Variants in SYNGR1 observed in about 807,000 individuals in gnomAD.
The protein encoded by SYNGR1 is synaptogyrin-1.
SYNGR1 carries 14 observed loss-of-function variants against 26.1 expected under a neutral mutation model. The observed-to-expected ratio is 0.54, with a 90% confidence interval of 0.35 to 0.84. The LOEUF (loss-of-function observed/expected upper bound fraction) is 0.84, where lower values mean the gene tolerates loss of function less well. Among genes scored for constraint, SYNGR1 ranks in the 40% least tolerant of loss-of-function variants. SYNGR1 has a pLI of 0.01. For synonymous variants in SYNGR1, 141 were observed against 150.1 expected (o/e 0.94, Z 0.44); for missense variants, 319 against 332.9 (o/e 0.96, Z 0.33).
chr22:39,382,143 GC>G lies in SYNGR1; in HGVS notation c.*231del. 1.7e-6 allele frequency: 1 copy of G among 602,864 alleles called. No individual in the cohort carries two copies. Among genetic ancestry groups the G allele is most frequent in the Non-Finnish European group, 2.9e-6 (1 of 339,154 alleles). The allele number at this position is 602,864 out of a possible 1,614,324, so 37.3% of individuals were successfully genotyped here. Reference sequence around the variant, plus strand: ...CCCCGCAGGGGCCTAGAGGGTGGGGGCCAGGGGTATTTGCATTCATACATTG... The same window carrying G: ...CCCCGCAGGGGCCTAGAGGGTGGGGGCAGGGGTATTTGCATTCATACATTG... On this transcript the variant is annotated 3_prime_UTR_variant, in exon 4 of 4. Coordinates refer to ENST00000328933, the MANE Select transcript of SYNGR1 (RefSeq NM_004711.5).
chr22:39,381,657 C>G, intron 3 of SYNGR1, 39 bp from the exon 4 acceptor site: 1 of 1,610,158 alleles, frequency 6.2e-7, no homozygotes, highest in Non-Finnish European at 8.5e-7. Flanking sequence ...TAACCACCCC[C>G]TCCCGCCTGT....
intron 3 of SYNGR1, chr22:39,377,830 C>T (rs1766881687): frequency 6.6e-7 from 1 of 1,520,782 alleles, no homozygotes; most frequent in Admixed American, 2.0e-5. Flanking sequence ...AATTCAGGTT[C>T]TCCACTGACT....
intron 1 of SYNGR1, among the ~76,000 whole-genome samples, chr22:39,360,608 C>T (rs1184274937): frequency 6.6e-6 from 1 of 152,182 alleles, no homozygotes. Context: ...GACACCCTCA[C>T]CCCGCTCGTC....
chr22:39,381,690 C>A lies in SYNGR1; in HGVS notation c.484-6C>A. On this transcript the variant is annotated splice_polypyrimidine_tract_variant and splice_region_variant and intron_variant, in intron 3 of 3. Coordinates refer to ENST00000328933, the MANE Select transcript of SYNGR1 (RefSeq NM_004711.5). Reference sequence around the variant, plus strand: ...TGTCCTTGTCCTCGCCGGCCTTTGTCCCCAGGCGGGCCAGGCTGTGCTGGC... The same window carrying A: ...TGTCCTTGTCCTCGCCGGCCTTTGTACCCAGGCGGGCCAGGCTGTGCTGGC... The A allele has an allele frequency of 3.1e-6, 5 of 1,613,330 alleles. No individual in the cohort carries two copies. Among genetic ancestry groups the A allele is most frequent in the Non-Finnish European group, 4.2e-6 (5 of 1,179,984 alleles).
In SYNGR1 at chr22:39,350,197, ACCCC is replaced by A. The variant is rs57288224; in HGVS notation, c.99+89_99+92del. On this transcript the variant is annotated intron_variant, in intron 1 of 3. Coordinates refer to ENST00000328933, the MANE Select transcript of SYNGR1 (RefSeq NM_004711.5). This position sits in a 1 kb window ranked among gnomAD's most constrained non-coding sequence, Gnocchi z 4.3. ...CGCGCCCGGACCGACCCCGACCCCGACCCCAACGGGCCCCCGGCGGCGGCGCGGC... is the reference window on the plus strand; with the variant it reads ...CGCGCCCGGACCGACCCCGACCCCGAAACGGGCCCCCGGCGGCGGCGCGGC... The A allele has an allele frequency of 2.2e-6, 2 of 915,266 alleles. No homozygotes were observed. The highest frequency in any genetic ancestry group is 3.4e-5 in the South Asian group (1 of 29,470). The allele number at this position is 915,266 out of a possible 1,614,324, so 56.7% of individuals were successfully genotyped here.
chr22:39,374,204 C>A, intron 1 of SYNGR1, 112 bp from the exon 2 acceptor site: 2 of 969,608 alleles, frequency 2.1e-6, no homozygotes, highest in Non-Finnish European at 3.2e-6. Flanking sequence ...TAACCCGGGT[C>A]TTGTAGCTCA....
At chr22:39,363,715 G>A (rs1474370853) in intron 1 of SYNGR1, among the ~76,000 whole-genome samples, 1 of 152,120 alleles carries the variant, frequency 6.6e-6, no homozygotes, top group Non-Finnish European at 1.5e-5. Context: ...ACTGCCTGGA[G>A]GAGGCTGGAG....
chr22:39,364,238 G>C (rs1365650290), intron 1 of SYNGR1: 1 of 1,614,096 alleles, frequency 6.2e-7, no homozygotes, highest in Non-Finnish European at 8.5e-7. Flanking sequence ...GATCCTTCAT[G>C]GATAGGCAGC....
At chr22:39,355,783 A>G (rs1237513598) in intron 1 of SYNGR1, among the ~76,000 whole-genome samples, 1 of 152,158 alleles carries the variant, frequency 6.6e-6, no homozygotes, top group Admixed American at 6.5e-5. Flanking sequence ...TTTGGGAGGC[A>G]GAGGCAGGTG....
chr22:39,362,048 A>G (rs1348581188), intron 1 of SYNGR1, among the ~76,000 whole-genome samples: 5 of 141,740 alleles, frequency 3.5e-5, no homozygotes, highest in African/African-American at 8.1e-5. Context: ...AGGCCTCACT[A>G]TGTTCCCCAG....
Position 39,356,131 on chromosome 22 carries a change from A to G in SYNGR1, c.99+6022A>G, listed in dbSNP as rs181192004. Among the ~76,000 whole-genome samples, 80 of 152,298 alleles carry G rather than the reference A, an allele frequency of 5.3e-4. 1 individual carries two copies. In the East Asian group the frequency reaches 9.5e-3, roughly 18 times the overall value. ...ACCCAAGTTGGAATGCAGTGGCACG[A>G]TCTCAGCTCACTGCAGCCTCCACCT... On this transcript the variant is annotated intron_variant, in intron 1 of 3. Transcript: ENST00000328933.
intron 1 of SYNGR1, among the ~76,000 whole-genome samples, chr22:39,372,153 C>T (rs150384495): frequency 0.038 from 4,231 of 111,330 alleles, 251 homozygotes; most frequent in African/African-American, 0.14. Context: ...TTTTTTGAGA[C>T]GGAGTCTCAC....
rs913972509 is a variant in SYNGR1 at position 39,350,456 on chromosome 22, A to T, written c.99+347A>T. Among the ~76,000 whole-genome samples the T allele has an allele frequency of 1.3e-5, 2 of 151,932 alleles. No individual in the cohort carries two copies. The highest frequency in any genetic ancestry group is 3.9e-4 in the East Asian group (2 of 5,140). The stretch of plus-strand genomic sequence containing the variant: ...GGATTGTGCGCGGCCGCCAGGGCGG[A>T]CTGGGGACCGTGGGGACGGAGCCAG... On this transcript the variant is annotated intron_variant, in intron 1 of 3. Coordinates refer to ENST00000328933, the MANE Select transcript of SYNGR1 (RefSeq NM_004711.5). The surrounding 1 kb of genome is among the most constrained non-coding windows in gnomAD (Gnocchi z 4.3).
intron 3 of SYNGR1, among the ~76,000 whole-genome samples, chr22:39,379,367 C>T (rs1925420435): frequency 6.6e-6 from 1 of 152,240 alleles, no homozygotes; most frequent in Non-Finnish European, 1.5e-5. Context: ...GGCATGGTGG[C>T]TCATGCCTGT....
At chr22:39,375,992 C>T in intron 2 of SYNGR1, 60 bp from the exon 3 acceptor site, 1 of 1,609,966 alleles carries the variant, frequency 6.2e-7, no homozygotes, top group Non-Finnish European at 8.5e-7. Context: ...ATTTTCTCCC[C>T]ACTCACCCTC....
At chr22:39,359,344 G>A (rs970299841) in intron 1 of SYNGR1, among the ~76,000 whole-genome samples, 159 of 152,148 alleles carry the variant, frequency 1.0e-3, no homozygotes, top group African/African-American at 3.4e-3. Flanking sequence ...CCCCCAGGCC[G>A]GGCACGGTGG....
chr22:39,362,045 A>G (rs796541684), intron 1 of SYNGR1, among the ~76,000 whole-genome samples: 11 of 136,940 alleles, frequency 8.0e-5, no homozygotes, highest in African/African-American at 3.2e-4. Context: ...ACGAGGCCTC[A>G]CTATGTTCCC....
intron 1 of SYNGR1, among the ~76,000 whole-genome samples, chr22:39,357,741 G>GGGCCAGC (rs1433444026): frequency 2.0e-5 from 3 of 151,856 alleles, no homozygotes; most frequent in Non-Finnish European, 4.4e-5. Context: ...CTTAGCGCCC[G>GGGCCAGC]GGCCAGCGGC....
Position 39,350,203 on chromosome 22 carries a change from A to G in SYNGR1, c.99+94A>G, listed in dbSNP as rs1427107525. The G allele has an allele frequency of 1.9e-5, 15 of 789,830 alleles. No individual in the cohort carries two copies. Among genetic ancestry groups the G allele is most frequent in the Non-Finnish European group, 2.3e-5 (14 of 612,724 alleles). The allele number at this position is 789,830 out of a possible 1,614,324, so 48.9% of individuals were successfully genotyped here. A position where few individuals can be genotyped will look rare whatever the true frequency, so the allele number is the denominator to read the frequency against. On this transcript the variant is annotated intron_variant, in intron 1 of 3. Coordinates refer to ENST00000328933, the MANE Select transcript of SYNGR1 (RefSeq NM_004711.5). This position sits in a 1 kb window ranked among gnomAD's most constrained non-coding sequence, Gnocchi z 4.3. ...CGGACCGACCCCGACCCCGACCCCA[A>G]CGGGCCCCCGGCGGCGGCGCGGCGG... is the stretch of plus-strand genomic sequence containing the variant.
Sources: gnomAD v4.1 joint callset for allele counts (sites outside exome capture counted in the v4.1 genomes callset) on GRCh38, gnomAD v4.1.1 for gene constraint, Gnocchi (gnomAD v3.1) non-coding constraint, MANE v1.5 for transcripts, NCBI Gene and HGNC (gene_info 2026-07-23, HGNC 2026-07-21) for gene names.